VEPH1: variants seen among roughly 807,000 people sequenced by gnomAD.
The protein encoded by VEPH1 is ventricular zone-expressed PH domain-containing protein homolog 1.
A neutral mutation model predicts 85.2 loss-of-function variants in VEPH1; 80 were observed. The ratio of observed to expected loss-of-function variants is 0.94; its 90% CI spans 0.78 to 1.13. The LOEUF (loss-of-function observed/expected upper bound fraction) is 1.13. VEPH1 is among the 50% of genes most tolerant of loss of function. The pLI is 0.00. For synonymous variants in VEPH1, 297 were observed against 348.0 expected (o/e 0.85, Z 1.63); for missense variants, 955 against 980.5 (o/e 0.97, Z 0.35).
At chr3:157,447,461 T>C (rs1734636946) in intron 4 of VEPH1, among the ~76,000 whole-genome samples, 1 of 152,220 alleles carries the variant, frequency 6.6e-6, no homozygotes, top group Non-Finnish European at 1.5e-5. Flanking sequence ...AATAAATTCT[T>C]TCCCAACAAC....
intron 3 of VEPH1, among the ~76,000 whole-genome samples, chr3:157,466,365 C>CA (rs961894732): frequency 3.3e-5 from 5 of 152,272 alleles, no homozygotes; most frequent in East Asian, 3.9e-4. Flanking sequence ...AGATCCTCTT[C>CA]ATGTGCACCT....
In VEPH1 at chr3:157,310,256, C is replaced by T. The variant is rs140116515; in HGVS notation, c.2010+3365G>A. Among the ~76,000 whole-genome samples, 272 of 152,224 alleles carry T rather than the reference C, an allele frequency of 1.8e-3. 2 individuals carry two copies. Among genetic ancestry groups the T allele is most frequent in the Middle Eastern group, 0.017 (5 of 294 alleles). ...TCAACCTCCCTTAATGTATGTAAGA[C>T]GGGTTTGAATTTGTGTTATTTGAGG... On this transcript the variant is annotated intron_variant, in intron 11 of 13. Transcript: ENST00000362010.
intron 11 of VEPH1, among the ~76,000 whole-genome samples, chr3:157,292,323 AT>A (rs1430305983): frequency 6.6e-6 from 1 of 152,170 alleles, no homozygotes; most frequent in Non-Finnish European, 1.5e-5. Context: ...GGGATGGCTG[AT>A]TTGTGTCCAC....
At chr3:157,324,958 T>G (rs538598808) in intron 9 of VEPH1, among the ~76,000 whole-genome samples, 2 of 152,210 alleles carry the variant, frequency 1.3e-5, no homozygotes, top group Admixed American at 6.5e-5. Flanking sequence ...CCACCAACAG[T>G]GTAAAAGCAT....
At chr3:157,389,545 G>A (rs1448723763) in intron 6 of VEPH1, among the ~76,000 whole-genome samples, 1 of 152,192 alleles carries the variant, frequency 6.6e-6, no homozygotes, top group Middle Eastern at 3.4e-3. Context: ...TGCTTTCAAA[G>A]ACATTTTTAG....
At chr3:157,482,997 T>G (rs1738263984) in intron 2 of VEPH1, among the ~76,000 whole-genome samples, 1 of 152,120 alleles carries the variant, frequency 6.6e-6, no homozygotes, top group African/African-American at 2.4e-5. Context: ...ATACATTTAT[T>G]CCACAACTAC....
rs530184134 is a variant in VEPH1, at chr3:157,486,269, G to A, written c.138+8943C>T. Among the ~76,000 whole-genome samples the A allele has an allele frequency of 9.9e-5, 15 of 152,014 alleles. No homozygotes were observed. The South Asian group carries it at 2.9e-3, about 30-fold the overall frequency. Reference sequence around the variant, plus strand: ...TCCTAGCACTTTGAGAGACCGAGGCGGGTGGATCACGAGGTCAGGAGTTCA... The same window carrying A: ...TCCTAGCACTTTGAGAGACCGAGGCAGGTGGATCACGAGGTCAGGAGTTCA... On this transcript the variant is annotated intron_variant, in intron 2 of 13. Coordinates refer to ENST00000362010, the MANE Select transcript of VEPH1 (RefSeq NM_001167912.2).
At chr3:157,308,487 G>T (rs1166795289) in intron 11 of VEPH1, among the ~76,000 whole-genome samples, 2 of 151,864 alleles carry the variant, frequency 1.3e-5, no homozygotes, top group African/African-American at 4.8e-5. Flanking sequence ...CCATTTATCT[G>T]CATTAATTCT....
chr3:157,397,982 G>T (rs12490059), intron 6 of VEPH1, among the ~76,000 whole-genome samples: 4 of 152,248 alleles, frequency 2.6e-5, no homozygotes, highest in East Asian at 3.9e-4. Context: ...ATATCATGCA[G>T]AGCCATTTGT....
chr3:157,304,552 G>A (rs1719254363), intron 11 of VEPH1, among the ~76,000 whole-genome samples: 1 of 152,108 alleles, frequency 6.6e-6, no homozygotes, highest in South Asian at 2.1e-4. Flanking sequence ...GGTAGCACAT[G>A]CACTGAAACG....
At position 157,314,407 on chromosome 3, in the gene VEPH1, A is replaced by AT. The variant is rs552931113; in HGVS notation, c.1876-653dup. ...ACATATGATATATTTCAGGATTTTC[A>AT]TTTTTTAACAGAAATTTAAAATTAT... On this transcript the variant is annotated intron_variant, in intron 10 of 13. Coordinates refer to ENST00000362010, the MANE Select transcript of VEPH1 (RefSeq NM_001167912.2). 2.3e-4 allele frequency among the ~76,000 whole-genome samples: 34 copies of AT among 148,800 alleles called. 1 individual carries two copies. The highest frequency in any genetic ancestry group is 2.1e-3 in the Admixed American group (31 of 14,596).
intron 2 of VEPH1, among the ~76,000 whole-genome samples, chr3:157,479,566 G>A (rs1737822225): frequency 6.6e-6 from 1 of 152,164 alleles, no homozygotes; most frequent in African/African-American, 2.4e-5. Flanking sequence ...AATTTGGCAT[G>A]GGAGTGGAAA....
chr3:157,385,760 A>G (rs1374787893), intron 6 of VEPH1, among the ~76,000 whole-genome samples: 1 of 152,196 alleles, frequency 6.6e-6, no homozygotes, highest in African/African-American at 2.4e-5. Context: ...AAAACTCAAC[A>G]AGTAGTTTCT....
At chr3:157,374,043 C>G (rs1225567016) in intron 7 of VEPH1, among the ~76,000 whole-genome samples, 1 of 152,148 alleles carries the variant, frequency 6.6e-6, no homozygotes, top group Non-Finnish European at 1.5e-5. Flanking sequence ...TCACATCACC[C>G]TAAATGCTGC....
At chr3:157,478,328 C>T (rs141862191) in intron 2 of VEPH1, among the ~76,000 whole-genome samples, 152 of 152,268 alleles carry the variant, frequency 1.0e-3, no homozygotes, top group African/African-American at 3.7e-3. Flanking sequence ...CCTGCTTCAT[C>T]TACCCCCTAA....
chr3:157,403,524 G>A (rs1730923021), intron 6 of VEPH1, among the ~76,000 whole-genome samples: 3 of 152,114 alleles, frequency 2.0e-5, no homozygotes, highest in African/African-American at 4.8e-5. Flanking sequence ...CTGGGCTCGA[G>A]TGAGTAAAGT....
chr3:157,448,869 G>A (rs1318809195), intron 4 of VEPH1, among the ~76,000 whole-genome samples: 2 of 152,154 alleles, frequency 1.3e-5, no homozygotes, highest in Non-Finnish European at 2.9e-5. Flanking sequence ...ACATGTTGTG[G>A]GAGGGACCCA....
chr3:157,436,973 G>T, intron 4 of VEPH1: 1 of 1,614,032 alleles, frequency 6.2e-7, no homozygotes, highest in South Asian at 1.1e-5. Context: ...TCTCTGGTCT[G>T]CAGTGTTGGC....
rs750438760 is a variant in VEPH1, at chr3:157,454,869, C to T, written c.529+5312G>A. 5.3e-4 allele frequency among the ~76,000 whole-genome samples: 80 copies of T among 152,082 alleles called. 1 individual carries two copies. The highest frequency in any genetic ancestry group is 1.8e-4 in the Non-Finnish European group (12 of 67,984). ...AAAACATGTGGTATCTGCATTAATTCGCTTAGGATAATGGCCTCTAGCTGC... is the reference window on the plus strand; with the variant it reads ...AAAACATGTGGTATCTGCATTAATTTGCTTAGGATAATGGCCTCTAGCTGC... On this transcript the variant is annotated intron_variant, in intron 4 of 13. Transcript: ENST00000362010.
Sources: gnomAD v4.1 joint callset for allele counts (sites outside exome capture counted in the v4.1 genomes callset) on GRCh38, gnomAD v4.1.1 for gene constraint, MANE v1.5 for transcripts, NCBI Gene and HGNC (gene_info 2026-07-23, HGNC 2026-07-21) for gene names.